The following FAM153A variants were observed in gnomAD, a reference collection of about 807,000 sequenced individuals.
The protein encoded by FAM153A is protein FAM153A.
In FAM153A, 12 loss-of-function variants were observed where a neutral mutation model predicts 48.1. The observed-to-expected ratio is 0.25, with a 90% CI of 0.16 to 0.40. The LOEUF (loss-of-function observed/expected upper bound fraction) is 0.40, where lower values mean the gene tolerates loss of function less well. Among genes scored for constraint, FAM153A ranks in the 10% least tolerant of loss-of-function variants. The probability of loss-of-function intolerance (pLI) is 1.00; values close to 1 mark genes in which losing one functional copy is unlikely to be tolerated. For missense variants in FAM153A, 111 were observed against 345.8 expected, an observed-to-expected ratio of 0.32 and a Z score of 5.38; for synonymous variants, 36 against 118.2, an observed-to-expected ratio of 0.30 and a Z score of 4.51.
At chr5:177,707,262 C>A (rs1442355442), downstream of FAM153A, among the ~76,000 whole-genome samples, 1 of 151,854 alleles carries the variant, frequency 6.6e-6, no homozygotes, top group Non-Finnish European at 1.5e-5. Flanking sequence ...AGAACATTCT[C>A]CAGGATAGAC....
At chr5:177,739,506 A>G (rs769719377) in intron 9 of FAM153A, 94 bp downstream of exon 11, 2 of 1,142,014 alleles carry the variant, frequency 1.8e-6, no homozygotes, top group Admixed American at 4.8e-5. Context: ...TAAAATGTAC[A>G]TGGCAGTAAG....
At chr5:177,728,561 T>TTG (rs201642133) in intron 18 of FAM153A, among the ~76,000 whole-genome samples, 1,861 of 145,790 alleles carry the variant, frequency 0.013, 41 homozygotes, top group Middle Eastern at 0.039. Context: ...GTGTTTTTTT[T>TTG]TTTGTTTGTT....
chr5:177,747,509 T>C, intron 4 of FAM153A: 2 of 486,692 alleles, frequency 4.1e-6, no homozygotes, highest in East Asian at 4.5e-5. Flanking sequence ...CATTCCACAT[T>C]GAGTCATTCC....
intron 18 of FAM153A, among the ~76,000 whole-genome samples, chr5:177,725,660 G>C (rs1286402145): frequency 6.6e-6 from 1 of 151,332 alleles, no homozygotes; most frequent in Non-Finnish European, 1.5e-5. Flanking sequence ...CCTGACTGGA[G>C]TGTGGGGAGA....
chr5:177,701,255 T>C, the FAM153A span, among the ~76,000 whole-genome samples: 9 of 151,800 alleles, frequency 5.9e-5, no homozygotes, highest in African/African-American at 2.2e-4. Context: ...CAATTAAACC[T>C]CTTTTCTTTA....
At chr5:177,764,242 C>G (rs1179788808) in intron 1 of FAM153A, among the ~76,000 whole-genome samples, 1 of 149,382 alleles carries the variant, frequency 6.7e-6, no homozygotes, top group Non-Finnish European at 1.5e-5. Flanking sequence ...TGGGCCTGTC[C>G]CCATGAGGAT....
exon 10 of FAM153A, chr5:177,739,114 G>T: frequency 6.2e-7 from 1 of 1,612,898 alleles, no homozygotes; most frequent in Non-Finnish European, 8.5e-7. Flanking sequence ...AATACATACC[G>T]TTGGTTTGGG....
At chr5:177,755,460 A>G (rs1229329792), upstream of FAM153A, among the ~76,000 whole-genome samples, 2 of 151,840 alleles carry the variant, frequency 1.3e-5, no homozygotes, top group South Asian at 4.1e-4. Context: ...GCAGGCCAAC[A>G]TTCAAATTCA....
intron 24 of FAM153A, among the ~76,000 whole-genome samples, chr5:177,716,887 C>T (rs1338325614): frequency 1.3e-5 from 2 of 151,580 alleles, no homozygotes; most frequent in African/African-American, 4.9e-5. Flanking sequence ...CAGCCTCCAC[C>T]TCCTGGGTCC....
the FAM153A span, among the ~76,000 whole-genome samples, chr5:177,699,377 T>C: frequency 0.95 from 143,302 of 151,354 alleles, 67,953 homozygotes; most frequent in East Asian, 1. Flanking sequence ...AGAAAAACAA[T>C]GGAAAAAAAT....
the FAM153A span, among the ~76,000 whole-genome samples, chr5:177,701,077 T>G: frequency 6.6e-6 from 1 of 151,578 alleles, no homozygotes; most frequent in Non-Finnish European, 1.5e-5. Context: ...TCCCTTGAGA[T>G]CTGTTTGTTT....
chr5:177,749,143 G>A (rs779900950), intron 2 of FAM153A, among the ~76,000 whole-genome samples: 16,700 of 120,454 alleles, frequency 0.14, 144 homozygotes, highest in South Asian at 0.21. Context: ...AAAATACATC[G>A]TATTTATTAT....
chr5:177,709,681 T>TG (rs1402990905), downstream of FAM153A, among the ~76,000 whole-genome samples: 14 of 142,496 alleles, frequency 9.8e-5, no homozygotes, highest in Admixed American at 7.7e-4. Context: ...TTTGTTTTTT[T>TG]TTTTTTTTGA....
intron 4 of FAM153A, among the ~76,000 whole-genome samples, chr5:177,745,748 A>G (rs1765872836): frequency 6.7e-6 from 1 of 149,778 alleles, no homozygotes; most frequent in Non-Finnish European, 1.5e-5. Context: ...ACTTGCGGTG[A>G]TTATCTCCTT....
exon 27 of FAM153A, chr5:177,713,124 C>T (rs1236919732): frequency 2.0e-5 from 3 of 152,008 alleles, no homozygotes; most frequent in Non-Finnish European, 4.4e-5. Context: ...TCTTTTAACA[C>T]CATTTCACAC....
At chr5:177,697,819 C>T in the FAM153A span, among the ~76,000 whole-genome samples, 32 of 151,794 alleles carry the variant, frequency 2.1e-4, no homozygotes, top group Non-Finnish European at 4.0e-4. Context: ...CTTTTCCTAC[C>T]TTGTTCCTGA....
chr5:177,697,080 A>T, the FAM153A span, among the ~76,000 whole-genome samples: 1 of 151,840 alleles, frequency 6.6e-6, no homozygotes, highest in Non-Finnish European at 1.5e-5. Flanking sequence ...ATAAATATGG[A>T]TGTCCCCTCA....
chr5:177,699,655 A>T, the FAM153A span, among the ~76,000 whole-genome samples: 1 of 152,276 alleles, frequency 6.6e-6, no homozygotes, highest in African/African-American at 2.4e-5. Context: ...AATTGACTCA[A>T]GAAGAAGTGG....
intron 1 of FAM153A, among the ~76,000 whole-genome samples, chr5:177,761,445 T>C (rs1768311401): frequency 6.6e-6 from 1 of 152,124 alleles, no homozygotes; most frequent in Non-Finnish European, 1.5e-5. Context: ...GACTACATCA[T>C]GCACTGGCCC....
Sources: allele counts gnomAD v4.1 joint callset (sites outside exome capture counted in the v4.1 genomes callset), GRCh38; gene constraint gnomAD v4.1.1; transcripts MANE v1.5; gene names NCBI Gene and HGNC (gene_info 2026-07-23, HGNC 2026-07-21).